Variants in ESRRG observed in about 807,000 individuals in gnomAD.
ESRRG encodes estrogen-related receptor gamma.
ESRRG carries 13 observed loss-of-function variants against 44.0 expected under a neutral mutation model. That is an observed-to-expected ratio of 0.30 (90% CI 0.19 to 0.47). The LOEUF (loss-of-function observed/expected upper bound fraction) is 0.47, where lower values mean the gene tolerates loss of function less well. Among genes scored for constraint, ESRRG ranks in the 20% least tolerant of loss-of-function variants. The pLI, the probability that ESRRG is intolerant of heterozygous loss-of-function variation, is 1.00. For missense variants in ESRRG, 395 were observed against 580.6 expected, an observed-to-expected ratio of 0.68 and a Z score of 3.29; for synonymous variants, 215 against 214.6, an observed-to-expected ratio of 1.00 and a Z score of -0.02.
chr1:216,915,087 A>G (rs2060975308), intron 2 of ESRRG, among the ~76,000 whole-genome samples: 1 of 152,170 alleles, frequency 6.6e-6, no homozygotes, highest in Non-Finnish European at 1.5e-5. Flanking sequence ...TCCATCAGTA[A>G]ACATGGGAGG....
At chr1:216,846,691 C>T (rs1346658671) in intron 2 of ESRRG, among the ~76,000 whole-genome samples, 2 of 152,012 alleles carry the variant, frequency 1.3e-5, no homozygotes, top group Non-Finnish European at 2.9e-5. Flanking sequence ...ATCTATTATT[C>T]ATCTTAAATA....
intron 1 of ESRRG, among the ~76,000 whole-genome samples, chr1:216,699,438 G>T (rs973247753): frequency 2.0e-5 from 3 of 152,090 alleles, no homozygotes; most frequent in African/African-American, 7.2e-5. Context: ...GGTAATGATG[G>T]ATATGTTTTT....
intron 3 of ESRRG, among the ~76,000 whole-genome samples, chr1:216,600,608 T>C (rs960400259): frequency 3.3e-5 from 5 of 152,144 alleles, no homozygotes; most frequent in African/African-American, 4.8e-5. Flanking sequence ...GTGCAGGTTA[T>C]TTCATCACCC....
At chr1:216,598,984 T>C (rs1164692228) in intron 3 of ESRRG, among the ~76,000 whole-genome samples, 3 of 152,148 alleles carry the variant, frequency 2.0e-5, no homozygotes, top group Admixed American at 2.0e-4. Flanking sequence ...TAATATGTTA[T>C]AAATTGAATG....
chr1:217,101,796 T>A (rs1436903697), intron 1 of ESRRG, among the ~76,000 whole-genome samples: 1 of 152,166 alleles, frequency 6.6e-6, no homozygotes, highest in African/African-American at 2.4e-5. Context: ...CATTTTATTT[T>A]TTTTTTTATT....
At chr1:216,935,691 A>G (rs1306856139) in intron 2 of ESRRG, among the ~76,000 whole-genome samples, 2 of 151,634 alleles carry the variant, frequency 1.3e-5, no homozygotes, top group Non-Finnish European at 2.9e-5. Context: ...ATCTTGGGTC[A>G]CTGCAACCTC....
intron 3 of ESRRG, among the ~76,000 whole-genome samples, chr1:216,594,984 C>G (rs955935846): frequency 1.3e-5 from 2 of 152,330 alleles, no homozygotes; most frequent in South Asian, 2.1e-4. Context: ...ACCACTTCAA[C>G]CATCCTGCAG....
chr1:217,130,888 A>G lies in ESRRG; in HGVS notation c.-230+6779T>C, dbSNP rs543304119. ...TTTCTCCCACGAAGAAATGCCTTTT[A>G]TTGTCTTTTTTTTAACTATTAAGAC... On this transcript the variant is annotated intron_variant, in intron 1 of 8. Transcript: ENST00000366940. 5.8e-5 allele frequency among the ~76,000 whole-genome samples: 7 copies of G among 120,592 alleles called. No homozygotes were observed. The East Asian group carries it at 1.3e-3, about 22-fold the overall frequency. 79.1% of individuals were successfully genotyped at this position (120,592 alleles called of 152,430 possible).
chr1:217,111,314 C>A (rs985394327), intron 1 of ESRRG, among the ~76,000 whole-genome samples: 1 of 152,154 alleles, frequency 6.6e-6, no homozygotes, highest in Non-Finnish European at 1.5e-5. Context: ...TATTTCATCA[C>A]CCCAATCCTC....
chr1:217,113,170 T>G (rs1240129918), intron 1 of ESRRG, among the ~76,000 whole-genome samples: 1 of 152,152 alleles, frequency 6.6e-6, no homozygotes. Flanking sequence ...GTAGCTCAGT[T>G]GCAGACATGG....
intron 2 of ESRRG, among the ~76,000 whole-genome samples, chr1:216,655,478 T>A (rs530671546): frequency 6.6e-6 from 1 of 152,262 alleles, no homozygotes; most frequent in African/African-American, 2.4e-5. Context: ...AAGAAATGAC[T>A]ACACTGGGGT....
intron 2 of ESRRG, among the ~76,000 whole-genome samples, chr1:216,873,685 GAGAGAC>G (rs1559941920): frequency 6.6e-6 from 1 of 151,430 alleles, no homozygotes; most frequent in African/African-American, 2.4e-5. Context: ...AGTGCAAGGA[GAGAGAC>G]AGAGACAGAG....
intron 6 of ESRRG, among the ~76,000 whole-genome samples, chr1:216,512,435 A>G (rs1304664768): frequency 6.6e-6 from 1 of 152,252 alleles, no homozygotes; most frequent in Non-Finnish European, 1.5e-5. Context: ...GGAACTTTGG[A>G]GTACAGACTT....
intron 2 of ESRRG, among the ~76,000 whole-genome samples, chr1:216,676,836 A>G (rs934287226): frequency 6.6e-6 from 1 of 152,204 alleles, no homozygotes; most frequent in Non-Finnish European, 1.5e-5. Context: ...CTCTACCCAA[A>G]GTTTATTATC....
intron 2 of ESRRG, among the ~76,000 whole-genome samples, chr1:216,853,248 C>G (rs1215018457): frequency 1.3e-5 from 2 of 152,092 alleles, no homozygotes; most frequent in African/African-American, 4.8e-5. Context: ...ATGACAAGTC[C>G]TTCTGATTGA....
chr1:216,945,712 T>G (rs1422174829), intron 1 of ESRRG, among the ~76,000 whole-genome samples: 1 of 152,164 alleles, frequency 6.6e-6, no homozygotes, highest in Non-Finnish European at 1.5e-5. Flanking sequence ...TACAAGAAAT[T>G]GCATCATTCA....
chr1:217,066,015 G>T (rs2089594685), intron 1 of ESRRG, among the ~76,000 whole-genome samples: 1 of 152,120 alleles, frequency 6.6e-6, no homozygotes, highest in Non-Finnish European at 1.5e-5. Context: ...CTCCCCAGTG[G>T]CGTTGCTTTG....
chr1:216,917,362 G>A (rs1417442358), intron 2 of ESRRG, among the ~76,000 whole-genome samples: 2 of 152,018 alleles, frequency 1.3e-5, no homozygotes, highest in Non-Finnish European at 2.9e-5. Context: ...TTCACTGTGA[G>A]CAACCAATGT....
At chr1:216,873,147 G>C (rs2096281474) in intron 2 of ESRRG, among the ~76,000 whole-genome samples, 1 of 150,150 alleles carries the variant, frequency 6.7e-6, no homozygotes, top group Non-Finnish European at 1.5e-5. Flanking sequence ...TTTTTGATAT[G>C]CTAAATTAGG....
Sources: gnomAD v4.1 joint callset for allele counts (sites outside exome capture counted in the v4.1 genomes callset) on GRCh38, gnomAD v4.1.1 for gene constraint, MANE v1.5 for transcripts, NCBI Gene and HGNC (gene_info 2026-07-23, HGNC 2026-07-21) for gene names.